Variants in APOL6 observed in about 807,000 individuals in gnomAD.
APOL6 encodes apolipoprotein L, 6.
In APOL6, 1 loss-of-function variant was observed where a neutral mutation model predicts 2.4. The observed-to-expected ratio is 0.41, with a 90% CI of 0.15 to 1.94. The LOEUF is 1.94. Ranked by LOEUF, APOL6 falls within the 30% of genes most tolerant of loss-of-function variation. The pLI is 0.30. For synonymous variants in APOL6, 189 were observed against 169.3 expected (o/e 1.12, Z -0.90); for missense variants, 438 against 429.2 (o/e 1.02, Z -0.18).
At position 35,665,809 on chromosome 22, in the gene APOL6, A is replaced by G. The variant is rs1341220311; in HGVS notation, c.*6213A>G. 1 of 152,234 alleles carries G rather than the reference A, an allele frequency of 6.6e-6. No homozygotes were observed. The highest frequency in any genetic ancestry group is 1.5e-5 in the Non-Finnish European group (1 of 68,032). The allele number at this position is 152,234 out of a possible 1,614,324, so 9.4% of individuals were successfully genotyped here. A position where few individuals can be genotyped will look rare whatever the true frequency, so the allele number is the denominator to read the frequency against. ...CCTTGAATTATCACTTGGATTAAAT[A>G]AATGACTTTACGATGACCTGTAATT... On this transcript the variant is annotated 3_prime_UTR_variant, in exon 3 of 3. Coordinates refer to ENST00000409652, the MANE Select transcript of APOL6 (RefSeq NM_030641.4).
chr22:35,654,400 C>T (rs956731977), intron 1 of APOL6, among the ~76,000 whole-genome samples: 1 of 151,930 alleles, frequency 6.6e-6, no homozygotes, highest in Non-Finnish European at 1.5e-5. Flanking sequence ...AACATAAACT[C>T]GGGTGTGGCT....
intron 1 of APOL6, among the ~76,000 whole-genome samples, chr22:35,650,064 G>A (rs5999916): frequency 0.025 from 3,878 of 152,270 alleles, 79 homozygotes; most frequent in African/African-American, 0.046. Flanking sequence ...GTGTGACACT[G>A]GCCTCCCTAT....
intron 2 of APOL6, 147 bp from the exon 3 acceptor site, chr22:35,658,468 A>G: frequency 1.4e-6 from 1 of 702,522 alleles, no homozygotes; most frequent in Non-Finnish European, 2.3e-6. Context: ...AGGCTGAACT[A>G]CTCTACAATG....
At position 35,660,943 on chromosome 22, in the gene APOL6, G is replaced by A. The variant is rs545893325; in HGVS notation, c.*1347G>A. On this transcript the variant is annotated 3_prime_UTR_variant, in exon 3 of 3. Coordinates refer to ENST00000409652, the MANE Select transcript of APOL6 (RefSeq NM_030641.4). Reference sequence around the variant, plus strand: ...GCTGACAATAGACAGATTAACAGGAGAAAAAGCATATACATTTTTTAATGT... The same window carrying A: ...GCTGACAATAGACAGATTAACAGGAAAAAAAGCATATACATTTTTTAATGT... 6.6e-6 allele frequency: 1 copy of A among 152,248 alleles called. No individual in the cohort carries two copies. Among genetic ancestry groups the A allele is most frequent in the South Asian group, 2.1e-4 (1 of 4,820 alleles). The allele number at this position is 152,248 out of a possible 1,614,324, so 9.4% of individuals were successfully genotyped here.
chr22:35,654,087 A>G (rs148668392), intron 1 of APOL6, among the ~76,000 whole-genome samples: 2,004 of 152,334 alleles, frequency 0.013, 22 homozygotes, highest in Middle Eastern at 0.024. Flanking sequence ...AGGGCAAGAT[A>G]TGGGGGAAGA....
chr22:35,656,397 G>T lies in APOL6; in HGVS notation c.-29G>T. On this transcript the variant is annotated 5_prime_UTR_variant, in exon 2 of 3. Coordinates refer to ENST00000409652, the MANE Select transcript of APOL6 (RefSeq NM_030641.4). ...TGACCAGAAAATCATTTGACTCCTGGGGACACAGATTTGCTGCCACAGAGG... is the reference window on the plus strand; with the variant it reads ...TGACCAGAAAATCATTTGACTCCTGTGGACACAGATTTGCTGCCACAGAGG... 1 of 1,613,836 alleles carries T rather than the reference G, an allele frequency of 6.2e-7. No individual in the cohort carries two copies. Among genetic ancestry groups the T allele is most frequent in the Non-Finnish European group, 8.5e-7 (1 of 1,179,848 alleles).
chr22:35,656,458 T>A lies in APOL6; in HGVS notation c.33T>A (p.Ala11=). MDNQAERESE[A]GVGLQRDEDD... ...ACCAGGCGGAGAGAGAAAGTGAGGC[T>A]GGTGTTGGTTTGCAAAGGTAATCCA... The change falls in exon 2 of 3, where the codon GCT becomes GCA. Residue 11 remains alanine (A), a synonymous_variant. Coordinates refer to ENST00000409652, the MANE Select transcript of APOL6 (RefSeq NM_030641.4). The A allele has an allele frequency of 6.2e-7, 1 of 1,614,096 alleles. No homozygotes were observed. The highest frequency in any genetic ancestry group is 1.3e-5 in the African/African-American group (1 of 75,048).
chr22:35,656,281 T>C (rs1924842421), intron 1 of APOL6, 98 bp from the exon 2 acceptor site: 1 of 889,254 alleles, frequency 1.1e-6, no homozygotes. Context: ...TATGTGGTTG[T>C]TATTTTGATA....
At chr22:35,655,889 C>T (rs550591885) in intron 1 of APOL6, among the ~76,000 whole-genome samples, 10 of 152,112 alleles carry the variant, frequency 6.6e-5, no homozygotes, top group Non-Finnish European at 5.9e-5. Context: ...AGAGAAGTAG[C>T]AAGACAATGG....
chr22:35,659,207 C>G lies in APOL6; in HGVS notation c.643C>G (p.Arg215Gly), dbSNP rs770840573. The G allele has an allele frequency of 6.2e-7, 1 of 1,614,164 alleles. No homozygotes were observed. Among genetic ancestry groups the G allele is most frequent in the African/African-American group, 1.3e-5 (1 of 75,032 alleles). ...CACTGGCCAAGTCTCCTCCCGGAGC[C>G]GCGTGCAGGTGCAAAAGGCCTTTGC... is the stretch of plus-strand genomic sequence containing the variant. ...LTTGQVSSRS[R>G]VQVQKAFAGT... The change falls in exon 3 of 3, where the codon CGC becomes GGC. Residue 215 changes from arginine (R) to glycine (G), a missense_variant. Physicochemically the swap from Arg to Gly is moderately radical, Grantham distance 125. Coordinates refer to ENST00000409652, the MANE Select transcript of APOL6 (RefSeq NM_030641.4).
chr22:35,659,226 C>T lies in APOL6; in HGVS notation c.662C>T (p.Ala221Val). ...SSRSRVQVQK[A>V]FAGTTLAMTK... ...CGGAGCCGCGTGCAGGTGCAAAAGG[C>T]CTTTGCGGGAACAACACTGGCGATG... is the stretch of plus-strand genomic sequence containing the variant. Residue 221 changes from alanine (A) to valine (V), a missense_variant, in exon 3 of 3, where the codon GCC becomes GTC. Coordinates refer to ENST00000409652, the MANE Select transcript of APOL6 (RefSeq NM_030641.4). The T allele has an allele frequency of 6.2e-7, 1 of 1,614,162 alleles. No individual in the cohort carries two copies. Among genetic ancestry groups the T allele is most frequent in the Non-Finnish European group, 8.5e-7 (1 of 1,180,032 alleles).
Position 35,659,199 on chromosome 22 carries a change from C to T in APOL6, c.635C>T (p.Ser212Phe), listed in dbSNP as rs1376928938. The T allele has an allele frequency of 6.2e-7, 1 of 1,614,202 alleles. No individual in the cohort carries two copies. The highest frequency in any genetic ancestry group is 1.1e-5 in the South Asian group (1 of 91,080). ...CTTCTGACCACTGGCCAAGTCTCCT[C>T]CCGGAGCCGCGTGCAGGTGCAAAAG... is the stretch of plus-strand genomic sequence containing the variant. ...KRLLTTGQVS[S>F]RSRVQVQKAF... Residue 212 changes from serine to phenylalanine, a missense_variant, in exon 3 of 3, where the codon TCC becomes TTC. Physicochemically the swap from Ser to Phe is radical, Grantham distance 155 (BLOSUM62 -2). Coordinates refer to ENST00000409652, the MANE Select transcript of APOL6 (RefSeq NM_030641.4).
intron 1 of APOL6, among the ~76,000 whole-genome samples, chr22:35,654,540 C>A (rs12169529): frequency 0.3 from 44,252 of 146,384 alleles, 7,688 homozygotes; most frequent in East Asian, 0.43. Flanking sequence ...CTCTCTCTCT[C>A]TATATATATA....
At chr22:35,651,727 T>C in intron 1 of APOL6, among the ~76,000 whole-genome samples, 1 of 152,232 alleles carries the variant, frequency 6.6e-6, no homozygotes, top group Admixed American at 6.5e-5. Flanking sequence ...GGACACGAAC[T>C]CATCCTTTTT....
rs1255902080 is a variant in APOL6 at position 35,659,020 on chromosome 22, G to A, written c.456G>A (p.Glu152=). 1 of 1,613,902 alleles carries A rather than the reference G, an allele frequency of 6.2e-7. No homozygotes were observed. The highest frequency in any genetic ancestry group is 1.3e-5 in the African/African-American group (1 of 75,040). The change falls in exon 3 of 3, where the codon GAG becomes GAA. Residue 152 remains glutamate (E), a synonymous_variant. Coordinates refer to ENST00000409652, the MANE Select transcript of APOL6 (RefSeq NM_030641.4). ...AEDILPTYDQ[E]DREDEEEKAD... is the part of the protein sequence containing the mutation. ...ACATACTGCCCACCTACGACCAAGA[G>A]GACAGGGAGGATGAGGAAGAGAAGG...
Position 35,661,963 on chromosome 22 carries a change from T to G in APOL6, c.*2367T>G, listed in dbSNP as rs1233193761. The G allele has an allele frequency of 1.3e-5, 2 of 152,242 alleles. No individual in the cohort carries two copies. Among genetic ancestry groups the G allele is most frequent in the African/African-American group, 4.8e-5 (2 of 41,456 alleles). The allele number at this position is 152,242 out of a possible 1,614,324, so 9.4% of individuals were successfully genotyped here. ...AACATTGTTATTGGACACATAACTA[T>G]AGTTGAAAGAATAAGCAAAAAGTCT... On this transcript the variant is annotated 3_prime_UTR_variant, in exon 3 of 3. Transcript: ENST00000409652.
chr22:35,656,138 G>A (rs1924838587), intron 1 of APOL6, among the ~76,000 whole-genome samples: 1 of 152,100 alleles, frequency 6.6e-6, no homozygotes, highest in Non-Finnish European at 1.5e-5. Flanking sequence ...ATTTTGGGAT[G>A]GTGTATACTG....
Position 35,659,173 on chromosome 22 carries a change from T to G in APOL6, c.609T>G (p.Arg203=), listed in dbSNP as rs760800006. 1 of 1,614,118 alleles carries G rather than the reference T, an allele frequency of 6.2e-7. No homozygotes were observed. The highest frequency in any genetic ancestry group is 8.5e-7 in the Non-Finnish European group (1 of 1,180,030). The part of the protein sequence containing the change: ...ANPRLANATK[R]LLTTGQVSSR... ...CACGCTTGGCCAATGCTACCAAGCG[T>G]CTTCTGACCACTGGCCAAGTCTCCT... The change falls in exon 3 of 3, where the codon CGT becomes CGG. Residue 203 remains arginine, a synonymous_variant. Coordinates refer to ENST00000409652, the MANE Select transcript of APOL6 (RefSeq NM_030641.4).
Position 35,659,498 on chromosome 22 carries a change from G to A in APOL6, c.934G>A (p.Glu312Lys), listed in dbSNP as rs780403475. 4.2e-5 allele frequency: 68 copies of A among 1,614,012 alleles called. No homozygotes were observed. Among genetic ancestry groups the A allele is most frequent in the South Asian group, 5.5e-5 (5 of 91,088 alleles). The stretch of plus-strand genomic sequence containing the variant: ...GGGGAAGGATTTAACTGGGACCTGC[G>A]AAACCGAGGCTTACTGGAAGGAGTT... ...GVGKDLTGTCETEAYWKELRE... is the reference protein window; with the variant it reads ...GVGKDLTGTCKTEAYWKELRE... The change falls in exon 3 of 3, where the codon GAA becomes AAA. Residue 312 changes from glutamate to lysine, a missense_variant. Transcript: ENST00000409652.
Sources: allele counts gnomAD v4.1 joint callset (sites outside exome capture counted in the v4.1 genomes callset), GRCh38; gene constraint gnomAD v4.1.1; transcripts MANE v1.5; gene names NCBI Gene and HGNC (gene_info 2026-07-23, HGNC 2026-07-21).